Variants in CADM2 observed in about 807,000 individuals in gnomAD.
CADM2 encodes immunoglobulin superfamily member 4D.
Under a neutral mutation model 49.8 loss-of-function variants are expected in CADM2, and 12 were observed. That is an observed-to-expected ratio of 0.24 (90% CI 0.15 to 0.39). The LOEUF (loss-of-function observed/expected upper bound fraction) is 0.39, where lower values mean the gene tolerates loss of function less well. CADM2 is among the 10% of genes least tolerant of loss of function. The probability of loss-of-function intolerance (pLI) is 1.00; values close to 1 mark genes in which losing one functional copy is unlikely to be tolerated. For missense variants in CADM2, 378 were observed against 492.3 expected (o/e 0.77, Z 2.20); for synonymous variants, 214 against 175.4 (o/e 1.22, Z -1.74).
intron 1 of CADM2, among the ~76,000 whole-genome samples, chr3:85,536,456 G>T (rs1048361879): frequency 8.6e-5 from 9 of 104,520 alleles, no homozygotes; most frequent in African/African-American, 2.3e-4. Context: ...ATTAAATATA[G>T]TATTGTTTTT....
intron 1 of CADM2, among the ~76,000 whole-genome samples, chr3:85,630,527 AT>A (rs2064277157): frequency 1.3e-5 from 2 of 152,108 alleles, no homozygotes; most frequent in South Asian, 4.1e-4. Context: ...CATTAAAAAA[AT>A]GTATATCCTC....
At chr3:85,130,284 A>G (rs1045549860) in intron 1 of CADM2, among the ~76,000 whole-genome samples, 1 of 152,164 alleles carries the variant, frequency 6.6e-6, no homozygotes, top group Admixed American at 6.5e-5. Context: ...TCTAACCAAA[A>G]CCCAATATAT....
intron 1 of CADM2, among the ~76,000 whole-genome samples, chr3:85,240,983 A>G (rs2042518493): frequency 6.6e-6 from 1 of 151,564 alleles, no homozygotes; most frequent in Non-Finnish European, 1.5e-5. Flanking sequence ...TAATGTTATC[A>G]GAACATTTAT....
At chr3:85,514,245 T>C (rs1318088540) in intron 1 of CADM2, among the ~76,000 whole-genome samples, 2 of 152,086 alleles carry the variant, frequency 1.3e-5, no homozygotes, top group Non-Finnish European at 2.9e-5. Context: ...CAAAGAGTTG[T>C]AATGAGAATA....
At chr3:85,158,844 T>TAATA (rs1274308440) in intron 1 of CADM2, among the ~76,000 whole-genome samples, 2 of 151,850 alleles carry the variant, frequency 1.3e-5, no homozygotes, top group African/African-American at 4.8e-5. Context: ...AGTATAATGA[T>TAATA]AATAAATAAA....
chr3:85,999,892 G>A lies in CADM2; in HGVS notation c.970+38245G>A, dbSNP rs574307809. Among the ~76,000 whole-genome samples the A allele has an allele frequency of 2.0e-5, 3 of 152,140 alleles. No individual in the cohort carries two copies. The East Asian group carries it at 5.8e-4, about 29-fold the overall frequency. On this transcript the variant is annotated intron_variant, in intron 8 of 9. Transcript: ENST00000383699. ...AATGAGAGATATAAAACAGATAGAG[G>A]ACAACGTAAATTCAGTTAACACTTT...
intron 1 of CADM2, among the ~76,000 whole-genome samples, chr3:85,429,187 T>G (rs931578968): frequency 6.6e-5 from 10 of 152,216 alleles, no homozygotes. Context: ...GGCTCTGCCA[T>G]GTTCTAGCTG....
At chr3:85,770,584 G>C (rs2070029625) in intron 2 of CADM2, among the ~76,000 whole-genome samples, 1 of 152,060 alleles carries the variant, frequency 6.6e-6, no homozygotes, top group African/African-American at 2.4e-5. Flanking sequence ...CTTCCAAAGT[G>C]CCAAATATCC....
At chr3:85,661,231 T>A (rs1385506566) in intron 1 of CADM2, among the ~76,000 whole-genome samples, 1 of 152,044 alleles carries the variant, frequency 6.6e-6, no homozygotes, top group Non-Finnish European at 1.5e-5. Flanking sequence ...GTATCCTGAG[T>A]GGCAGTGCTG....
chr3:85,997,778 A>G (rs572921442), intron 8 of CADM2, among the ~76,000 whole-genome samples: 2 of 152,314 alleles, frequency 1.3e-5, no homozygotes, highest in African/African-American at 4.8e-5. Flanking sequence ...CACACCATCT[A>G]GAAATGCAAG....
chr3:85,012,704 A>G (rs1031722838), intron 1 of CADM2, among the ~76,000 whole-genome samples: 1 of 151,116 alleles, frequency 6.6e-6, no homozygotes, highest in African/African-American at 2.4e-5. Flanking sequence ...AAGATATTCC[A>G]TATTTATAGG....
intron 1 of CADM2, among the ~76,000 whole-genome samples, chr3:85,429,286 C>A (rs2036560715): frequency 6.6e-6 from 1 of 151,830 alleles, no homozygotes; most frequent in Non-Finnish European, 1.5e-5. Context: ...TATGATGCAA[C>A]AATACAACAT....
intron 8 of CADM2, among the ~76,000 whole-genome samples, chr3:86,026,794 T>A (rs1733955512): frequency 6.6e-6 from 1 of 152,230 alleles, no homozygotes; most frequent in African/African-American, 2.4e-5. Flanking sequence ...GACTGTGAGA[T>A]GATTACTTTA....
intron 3 of CADM2, among the ~76,000 whole-genome samples, chr3:85,822,295 T>A (rs2073628188): frequency 6.6e-6 from 1 of 152,076 alleles, no homozygotes; most frequent in Non-Finnish European, 1.5e-5. Context: ...TTTACAATTT[T>A]TTCCAGGGCC....
rs1291665023 is a variant in CADM2, at chr3:86,069,241, A to G, written c.*2458A>G. ...TAGCACTGTAAAATTAGAAATCCAAAATTGGTTGCATTTCATGATTTTTGA... is the reference window on the plus strand; with the variant it reads ...TAGCACTGTAAAATTAGAAATCCAAGATTGGTTGCATTTCATGATTTTTGA... On this transcript the variant is annotated 3_prime_UTR_variant, in exon 10 of 10. Transcript: ENST00000383699. 1.3e-5 allele frequency: 2 copies of G among 151,978 alleles called. No individual in the cohort carries two copies. The highest frequency in any genetic ancestry group is 3.9e-4 in the East Asian group (2 of 5,160). 9.4% of individuals were successfully genotyped at this position (151,978 alleles called of 1,614,324 possible).
chr3:85,067,172 G>T (rs1412784119), intron 1 of CADM2, among the ~76,000 whole-genome samples: 2 of 152,014 alleles, frequency 1.3e-5, no homozygotes, highest in East Asian at 1.9e-4. Flanking sequence ...ATCTCTGAAT[G>T]TTCATAATAT....
chr3:85,153,576 T>A (rs2040003994), intron 1 of CADM2, among the ~76,000 whole-genome samples: 1 of 152,142 alleles, frequency 6.6e-6, no homozygotes, highest in South Asian at 2.1e-4. Context: ...TCCAACTGGG[T>A]GGAGCCCACC....
intron 1 of CADM2, among the ~76,000 whole-genome samples, chr3:85,075,146 G>T (rs2036895681): frequency 6.6e-6 from 1 of 151,802 alleles, no homozygotes; most frequent in South Asian, 2.1e-4. Flanking sequence ...TTATGATGGT[G>T]AGAACTTTAC....
chr3:84,998,937 A>AAT (rs2033317366), intron 1 of CADM2, among the ~76,000 whole-genome samples: 1 of 152,158 alleles, frequency 6.6e-6, no homozygotes, highest in South Asian at 2.1e-4. Flanking sequence ...ATACTGTGGG[A>AAT]ATAAGGAAAA....
Sources: allele counts gnomAD v4.1 joint callset (sites outside exome capture counted in the v4.1 genomes callset), GRCh38; gene constraint gnomAD v4.1.1; transcripts MANE v1.5; gene names NCBI Gene and HGNC (gene_info 2026-07-23, HGNC 2026-07-21).